The following LYRM4 variants were observed in gnomAD, a reference collection of about 807,000 sequenced individuals.
LYRM4 encodes the protein LYR motif containing 4.
In LYRM4, 9 loss-of-function variants were observed where a neutral mutation model predicts 11.7. The observed-to-expected ratio is 0.77, with a 90% CI of 0.46 to 1.34. The LOEUF (loss-of-function observed/expected upper bound fraction) is 1.34. LYRM4 is among the 40% of genes most tolerant of loss of function. LYRM4 has a pLI of 0.00. For synonymous variants in LYRM4, 42 were observed against 40.4 expected, an observed-to-expected ratio of 1.04 and a Z score of -0.15; for missense variants, 133 against 112.5, an observed-to-expected ratio of 1.18 and a Z score of -0.82.
chr6:5,053,554 G>A, the LYRM4 span, among the ~76,000 whole-genome samples: 8 of 151,852 alleles, frequency 5.3e-5, no homozygotes, highest in African/African-American at 1.7e-4. Flanking sequence ...TTGAGCCCCA[G>A]AAGTTTGAGG....
At chr6:5,194,567 T>C (rs930998044) in intron 2 of LYRM4, among the ~76,000 whole-genome samples, 2 of 152,222 alleles carry the variant, frequency 1.3e-5, no homozygotes, top group African/African-American at 4.8e-5. Flanking sequence ...GAGGGTTAAA[T>C]GCAATAGCAT....
At chr6:5,245,102 A>T (rs1239538562) in intron 1 of LYRM4, among the ~76,000 whole-genome samples, 25 of 56,516 alleles carry the variant, frequency 4.4e-4, no homozygotes, top group African/African-American at 1.1e-3. Flanking sequence ...AAAAAAAAAA[A>T]AAAAAAAAAA....
chr6:5,041,671 T>G, the LYRM4 span, among the ~76,000 whole-genome samples: 1 of 152,172 alleles, frequency 6.6e-6, no homozygotes, highest in African/African-American at 2.4e-5. Context: ...GATATCTGGG[T>G]TTTTTTCCCA....
At chr6:5,152,102 T>C (rs1416042367) in intron 2 of LYRM4, among the ~76,000 whole-genome samples, 1 of 152,224 alleles carries the variant, frequency 6.6e-6, no homozygotes, top group Non-Finnish European at 1.5e-5. Flanking sequence ...TATGTATCAC[T>C]GGAACCACTA....
intron 1 of LYRM4, among the ~76,000 whole-genome samples, chr6:5,230,533 A>C (rs541676773): frequency 6.6e-6 from 1 of 152,322 alleles, no homozygotes; most frequent in South Asian, 2.1e-4. Flanking sequence ...CAGTTTTCTA[A>C]ATTTTATTTT....
chr6:5,069,049 T>G, the LYRM4 span, among the ~76,000 whole-genome samples: 9 of 143,638 alleles, frequency 6.3e-5, no homozygotes, highest in Admixed American at 3.5e-4. Context: ...TAGTACAAGT[T>G]TATTTGGTGC....
At chr6:5,150,263 G>A (rs749346970) in intron 2 of LYRM4, among the ~76,000 whole-genome samples, 22 of 152,152 alleles carry the variant, frequency 1.4e-4, no homozygotes, top group Non-Finnish European at 2.2e-4. Context: ...AATGGCAAAC[G>A]AATAAACAGA....
chr6:5,185,156 A>G (rs1192000144), intron 2 of LYRM4, among the ~76,000 whole-genome samples: 2 of 152,172 alleles, frequency 1.3e-5, no homozygotes, highest in African/African-American at 4.8e-5. Context: ...CATGAATCCC[A>G]ATACCTGGGT....
chr6:5,076,280 G>C, the LYRM4 span, among the ~76,000 whole-genome samples: 1 of 151,688 alleles, frequency 6.6e-6, no homozygotes, highest in East Asian at 1.9e-4. Context: ...TCTGTACTTT[G>C]TTGGTTTTTT....
chr6:5,158,458 T>G (rs894768143), intron 2 of LYRM4, among the ~76,000 whole-genome samples: 3 of 151,316 alleles, frequency 2.0e-5, no homozygotes, highest in Non-Finnish European at 4.4e-5. Flanking sequence ...GCAGGTTTAT[T>G]TCTCTGGTCT....
intron 2 of LYRM4, among the ~76,000 whole-genome samples, chr6:5,176,652 C>A (rs1271832795): frequency 6.6e-6 from 1 of 152,182 alleles, no homozygotes; most frequent in South Asian, 2.1e-4. Flanking sequence ...GTTACTGAGG[C>A]CTGAAGCACT....
chr6:5,100,185 C>T (rs374206374), downstream of LYRM4, among the ~76,000 whole-genome samples: 1 of 152,170 alleles, frequency 6.6e-6, no homozygotes, highest in Non-Finnish European at 1.5e-5. Context: ...CAGCATGTGC[C>T]AAACTGCAAG....
At chr6:5,161,784 T>C (rs935692703) in intron 2 of LYRM4, among the ~76,000 whole-genome samples, 12 of 152,164 alleles carry the variant, frequency 7.9e-5, no homozygotes, top group African/African-American at 2.9e-4. Flanking sequence ...CTGATCAGTG[T>C]AGTAGGGCTG....
chr6:5,236,082 T>C (rs1763521892), intron 1 of LYRM4, among the ~76,000 whole-genome samples: 1 of 152,308 alleles, frequency 6.6e-6, no homozygotes, highest in African/African-American at 2.4e-5. Flanking sequence ...GGAAAGCCAT[T>C]TTCCCGTAGG....
the LYRM4 span, among the ~76,000 whole-genome samples, chr6:5,060,838 A>G: frequency 6.6e-6 from 1 of 152,128 alleles, no homozygotes; most frequent in East Asian, 1.9e-4. Context: ...ATATTTTTCA[A>G]TTTATCTGGA....
chr6:5,138,818 G>A, intron 2 of LYRM4: 1 of 1,075,558 alleles, frequency 9.3e-7, no homozygotes, highest in Non-Finnish European at 1.4e-6. Flanking sequence ...ATTTCAAACA[G>A]AAGCAAGTGC....
the LYRM4 span, among the ~76,000 whole-genome samples, chr6:5,067,667 A>G: frequency 1.3e-5 from 2 of 152,226 alleles, no homozygotes; most frequent in Non-Finnish European, 2.9e-5. Flanking sequence ...ACTGTTTTAT[A>G]AAGACTGACT....
chr6:5,066,971 TG>T, the LYRM4 span: 1 of 981,560 alleles, frequency 1.0e-6, no homozygotes, highest in Non-Finnish European at 1.4e-6. Flanking sequence ...ATCCGGCCAC[TG>T]GGATCCACAT....
intron 2 of LYRM4, among the ~76,000 whole-genome samples, chr6:5,145,161 G>A (rs1032710074): frequency 2.0e-5 from 3 of 152,198 alleles, no homozygotes; most frequent in South Asian, 2.1e-4. Flanking sequence ...TTGGCATTCC[G>A]TCTTTAGTCA....
Sources: allele counts gnomAD v4.1 joint callset (sites outside exome capture counted in the v4.1 genomes callset), GRCh38; gene constraint gnomAD v4.1.1; transcripts MANE v1.5; gene names NCBI Gene and HGNC (gene_info 2026-07-23, HGNC 2026-07-21).